The following CDH13 variants were observed in gnomAD, a reference collection of about 807,000 sequenced individuals.
CDH13 encodes the protein cadherin-13.
A neutral mutation model predicts 63.8 loss-of-function variants in CDH13; 24 were observed. The observed-to-expected ratio is 0.38, with a 90% confidence interval of 0.27 to 0.53. The LOEUF (loss-of-function observed/expected upper bound fraction) is 0.53, where lower values mean the gene tolerates loss of function less well. Among genes scored for constraint, CDH13 ranks in the 20% least tolerant of loss-of-function variants. The pLI, the probability that CDH13 is intolerant of heterozygous loss-of-function variation, is 0.85. For synonymous variants in CDH13, 503 were observed against 355.3 expected (o/e 1.42, Z -4.67); for missense variants, 1,049 against 903.1 (o/e 1.16, Z -2.07).
chr16:82,969,901 A>G (rs1020683709), intron 2 of CDH13, among the ~76,000 whole-genome samples: 1 of 151,774 alleles, frequency 6.6e-6, no homozygotes. Flanking sequence ...CAGAAAGTCC[A>G]TTTCTACACC....
intron 1 of CDH13, chr16:82,719,382 G>T (rs543378877): frequency 2.2e-6 from 1 of 455,942 alleles, no homozygotes; most frequent in Admixed American, 2.3e-5. Flanking sequence ...CTGTGTGCAA[G>T]TCCCAGTTCC....
chr16:83,190,519 C>T (rs2038665102), intron 4 of CDH13, among the ~76,000 whole-genome samples: 1 of 152,124 alleles, frequency 6.6e-6, no homozygotes, highest in Non-Finnish European at 1.5e-5. Context: ...GCCCTATGCC[C>T]CCATACTGTT....
At chr16:83,089,781 A>G (rs991113747) in intron 3 of CDH13, among the ~76,000 whole-genome samples, 2 of 152,230 alleles carry the variant, frequency 1.3e-5, no homozygotes, top group Admixed American at 1.3e-4. Flanking sequence ...AGAGTCCACA[A>G]GTTTCAGGAC....
intron 3 of CDH13, among the ~76,000 whole-genome samples, chr16:83,046,854 A>C (rs889188413): frequency 6.6e-6 from 1 of 152,116 alleles, no homozygotes; most frequent in Non-Finnish European, 1.5e-5. Flanking sequence ...GGATTGTGAA[A>C]TCCTTCCTGC....
intron 2 of CDH13, among the ~76,000 whole-genome samples, chr16:83,013,967 C>A (rs887951681): frequency 6.6e-6 from 1 of 152,088 alleles, no homozygotes; most frequent in Non-Finnish European, 1.5e-5. Context: ...TGTATAAGCA[C>A]GTCTTCATTC....
chr16:83,031,711 A>G (rs182334407), intron 2 of CDH13, among the ~76,000 whole-genome samples: 9 of 152,174 alleles, frequency 5.9e-5, no homozygotes, highest in Non-Finnish European at 1.5e-5. Flanking sequence ...CACTTCCCTC[A>G]AATGTCACTC....
chr16:83,779,581 T>C (rs902175827), intron 11 of CDH13, among the ~76,000 whole-genome samples: 4 of 152,094 alleles, frequency 2.6e-5, no homozygotes, highest in African/African-American at 9.7e-5. Flanking sequence ...ACAACACTTT[T>C]GGTGTCTGAG....
At chr16:82,873,049 A>G (rs184900769) in intron 2 of CDH13, among the ~76,000 whole-genome samples, 18 of 152,334 alleles carry the variant, frequency 1.2e-4, no homozygotes, top group Admixed American at 1.2e-3. Context: ...GTCATATGAT[A>G]GAGATTTCTG....
At chr16:83,504,053 A>G (rs751076095) in intron 7 of CDH13, among the ~76,000 whole-genome samples, 5 of 152,178 alleles carry the variant, frequency 3.3e-5, no homozygotes, top group Non-Finnish European at 7.4e-5. Flanking sequence ...GCAAACCACC[A>G]TGGCACATGT....
At chr16:83,245,061 C>A (rs977867994) in intron 5 of CDH13, among the ~76,000 whole-genome samples, 2 of 151,884 alleles carry the variant, frequency 1.3e-5, no homozygotes, top group Non-Finnish European at 2.9e-5. Flanking sequence ...TGCAGGCTGG[C>A]CTTTCTAGGG....
intron 7 of CDH13, among the ~76,000 whole-genome samples, chr16:83,558,281 A>G (rs62042320): frequency 0.1 from 15,760 of 152,170 alleles, 1,248 homozygotes; most frequent in African/African-American, 0.21. Flanking sequence ...TCAGCGCGGT[A>G]CCAGTTAGCA....
At chr16:83,155,915 A>T (rs1444530342) in intron 4 of CDH13, among the ~76,000 whole-genome samples, 2 of 152,126 alleles carry the variant, frequency 1.3e-5, no homozygotes, top group Non-Finnish European at 2.9e-5. Context: ...CCCCAGATGC[A>T]CCCCAATTGC....
At chr16:83,580,411 C>T (rs1905454494) in intron 7 of CDH13, among the ~76,000 whole-genome samples, 2 of 146,766 alleles carry the variant, frequency 1.4e-5, no homozygotes, top group Non-Finnish European at 3.0e-5. Flanking sequence ...ACTCTAAGAT[C>T]AAGGTAACTC....
intron 4 of CDH13, among the ~76,000 whole-genome samples, chr16:83,138,254 A>G (rs1408841766): frequency 2.6e-5 from 4 of 152,140 alleles, no homozygotes; most frequent in African/African-American, 4.8e-5. Context: ...CTGAGCAACT[A>G]CTATGTGTCA....
chr16:82,662,651 G>A (rs6565054), intron 1 of CDH13, among the ~76,000 whole-genome samples: 150,493 of 152,316 alleles, frequency 0.99, 74,376 homozygotes, highest in East Asian at 1. Context: ...CAACAAATGC[G>A]CTTTATAATT....
chr16:82,893,605 A>G (rs113100806), intron 2 of CDH13, among the ~76,000 whole-genome samples: 291 of 152,312 alleles, frequency 1.9e-3, no homozygotes, highest in African/African-American at 6.7e-3. Flanking sequence ...AGTTTAGAAT[A>G]TGGGTTGGAT....
At chr16:82,962,190 A>C (rs1907122028) in intron 2 of CDH13, among the ~76,000 whole-genome samples, 1 of 152,216 alleles carries the variant, frequency 6.6e-6, no homozygotes, top group African/African-American at 2.4e-5. Context: ...TTGAATTTCA[A>C]GTGGCCTTGT....
At chr16:83,028,244 T>C (rs1197534382) in intron 2 of CDH13, among the ~76,000 whole-genome samples, 1 of 152,216 alleles carries the variant, frequency 6.6e-6, no homozygotes, top group African/African-American at 2.4e-5. Flanking sequence ...GCAACCTTGG[T>C]GTCACTTCTT....
chr16:83,577,854 A>G (rs780040687), intron 7 of CDH13, among the ~76,000 whole-genome samples: 10 of 152,350 alleles, frequency 6.6e-5, no homozygotes, highest in Non-Finnish European at 1.2e-4. Flanking sequence ...TAAAATGAAC[A>G]TTGCATAACT....
Sources: gnomAD v4.1 joint callset for allele counts (sites outside exome capture counted in the v4.1 genomes callset) on GRCh38, gnomAD v4.1.1 for gene constraint, MANE v1.5 for transcripts, NCBI Gene and HGNC (gene_info 2026-07-23, HGNC 2026-07-21) for gene names.